ALPK2: variants seen among roughly 807,000 people sequenced by gnomAD.
ALPK2 encodes the protein alpha-protein kinase 2.
ALPK2 carries 127 observed loss-of-function variants against 163.1 expected under a neutral mutation model. The ratio of observed to expected loss-of-function variants is 0.78; its 90% CI spans 0.67 to 0.90. The LOEUF (loss-of-function observed/expected upper bound fraction) is 0.90. Among genes scored for constraint, ALPK2 ranks in the 40% least tolerant of loss-of-function variants. The pLI, the probability that ALPK2 is intolerant of heterozygous loss-of-function variation, is 0.00. For missense variants in ALPK2, 2,360 were observed against 2,589.6 expected (o/e 0.91, Z 1.92); for synonymous variants, 953 against 959.1 (o/e 0.99, Z 0.12).
chr18:58,588,109 G>A (rs2144207093), intron 3 of ALPK2, among the ~76,000 whole-genome samples: 1 of 152,336 alleles, frequency 6.6e-6, no homozygotes, highest in East Asian at 1.9e-4. Flanking sequence ...AGGAAATCCA[G>A]CAGAGGTGCT....
At position 58,537,392 on chromosome 18, in the gene ALPK2, G is replaced by C; in HGVS notation, c.2795C>G (p.Pro932Arg). The C allele has an allele frequency of 6.2e-7, 1 of 1,613,786 alleles. No homozygotes were observed. Among genetic ancestry groups the C allele is most frequent in the Middle Eastern group, 1.7e-4 (1 of 6,058 alleles). Residue 932 changes from proline to arginine, a missense_variant, in exon 5 of 13, where the codon CCA becomes CGA. Physicochemically the swap from Pro to Arg is moderately radical, Grantham distance 103 (BLOSUM62 -2). Coordinates refer to ENST00000361673, the MANE Select transcript of ALPK2 (RefSeq NM_052947.4). The part of the protein sequence containing the change: ...ASTVHAGQEQ[P>R]SPSNSGGLDE... ...AAGCCCTCCTGAGTTGCTGGGGCTT[G>C]GCTGCTCCTGGCCAGCATGTACTGT...
intron 3 of ALPK2, among the ~76,000 whole-genome samples, chr18:58,597,586 G>A (rs1326961724): frequency 2.6e-5 from 4 of 152,202 alleles, no homozygotes. Context: ...ATCTACTTAT[G>A]ATACTTAGTG....
At chr18:58,507,529 C>A (rs1475314470) in intron 10 of ALPK2, among the ~76,000 whole-genome samples, 1 of 152,204 alleles carries the variant, frequency 6.6e-6, no homozygotes, top group Non-Finnish European at 1.5e-5. Flanking sequence ...CTAGGACAGA[C>A]CTGGTCACTT....
intron 4 of ALPK2, among the ~76,000 whole-genome samples, chr18:58,573,757 A>G (rs34104783): frequency 0.12 from 17,946 of 151,760 alleles, 1,134 homozygotes; most frequent in East Asian, 0.18. Flanking sequence ...CTTTTGTCCC[A>G]AGAAAGTCAG....
intron 4 of ALPK2, among the ~76,000 whole-genome samples, chr18:58,572,195 G>T (rs940722191): frequency 6.6e-5 from 10 of 151,994 alleles, no homozygotes; most frequent in African/African-American, 2.2e-4. Context: ...AGCTACAATG[G>T]GATATCACCA....
chr18:58,525,518 G>T (rs2051579749), intron 6 of ALPK2, among the ~76,000 whole-genome samples: 1 of 152,194 alleles, frequency 6.6e-6, no homozygotes, highest in South Asian at 2.1e-4. Context: ...TTCCAGCCTA[G>T]AAATTCTCTG....
intron 1 of ALPK2, among the ~76,000 whole-genome samples, chr18:58,627,120 C>A (rs2052234988): frequency 6.6e-6 from 1 of 152,154 alleles, no homozygotes; most frequent in African/African-American, 2.4e-5. Context: ...CAGGACCTCC[C>A]CTGCTTCTCC....
chr18:58,582,256 C>A (rs549242192), intron 3 of ALPK2, among the ~76,000 whole-genome samples: 2 of 152,268 alleles, frequency 1.3e-5, no homozygotes, highest in South Asian at 4.1e-4. Flanking sequence ...AAATGTTATA[C>A]CAGACGAATT....
At chr18:58,494,324 C>T (rs893591490) in intron 12 of ALPK2, among the ~76,000 whole-genome samples, 6 of 152,164 alleles carry the variant, frequency 3.9e-5, no homozygotes, top group African/African-American at 1.4e-4. Context: ...TGTTTCCAGA[C>T]ATAATTATAT....
At chr18:58,506,363 TAA>T (rs373086475) in intron 10 of ALPK2, among the ~76,000 whole-genome samples, 7 of 134,116 alleles carry the variant, frequency 5.2e-5, no homozygotes, top group Non-Finnish European at 6.5e-5. Flanking sequence ...CCCATGAATC[TAA>T]AAAAAAAAAA....
In ALPK2 at chr18:58,611,698, T is replaced by A; in HGVS notation, c.100A>T (p.Ile34Leu). 6.2e-7 allele frequency: 1 copy of A among 1,612,742 alleles called. No individual in the cohort carries two copies. Residue 34 changes from isoleucine (I) to leucine (L), a missense_variant, in exon 2 of 13, where the codon ATA becomes TTA. By Grantham distance (5) the Ile-to-Leu change is conservative. Transcript: ENST00000361673. ...GTCTAGTGATGGTTACCAGATATTA[T>A]GCAGCGAAGCACAGCGTCTGACTTC... ...PEKSDAVLRC[I>L]ISGQPKPEVT... is the part of the protein sequence containing the mutation.
intron 3 of ALPK2, among the ~76,000 whole-genome samples, chr18:58,601,559 G>T (rs192645612): frequency 6.6e-6 from 1 of 152,194 alleles, no homozygotes; most frequent in Non-Finnish European, 1.5e-5. Context: ...AGGCCCTGCA[G>T]CTCCGTGACC....
At chr18:58,502,133 TCCACACACACACACACACAC>T (rs1197081687) in intron 11 of ALPK2, among the ~76,000 whole-genome samples, 1 of 83,546 alleles carries the variant, frequency 1.2e-5, no homozygotes, top group Non-Finnish European at 2.3e-5. Context: ...AAACCCCATC[TCCACACACACACACACACAC>T]ACACACACAC....
chr18:58,512,989 T>G (rs550575532), intron 10 of ALPK2, among the ~76,000 whole-genome samples: 48 of 140,974 alleles, frequency 3.4e-4, no homozygotes, highest in African/African-American at 1.3e-3. Context: ...GGTGTGTGTG[T>G]GGTGTGTGTT....
intron 9 of ALPK2, among the ~76,000 whole-genome samples, chr18:58,516,529 C>A (rs1437329071): frequency 6.6e-6 from 1 of 152,168 alleles, no homozygotes; most frequent in Non-Finnish European, 1.5e-5. Flanking sequence ...GCAACTAGTG[C>A]TGATGTTATC....
Position 58,580,113 on chromosome 18 carries a change from A to G in ALPK2, c.663T>C (p.Ser221=). 2 of 1,614,198 alleles carry G rather than the reference A, an allele frequency of 1.2e-6. No individual in the cohort carries two copies. Among genetic ancestry groups the G allele is most frequent in the South Asian group, 2.2e-5 (2 of 91,082 alleles). The change falls in exon 4 of 13, where the codon AGT becomes AGC. Residue 221 remains serine (S), a synonymous_variant. Transcript: ENST00000361673. ...ATCTGTCTTGTTTTTCATAAATATGACTTGAATTAAGAAAAAGCAACCCAT... is the reference window on the plus strand; with the variant it reads ...ATCTGTCTTGTTTTTCATAAATATGGCTTGAATTAAGAAAAAGCAACCCAT... ...IANGLLFLNS[S]HIYEKQDRCC...
chr18:58,616,109 G>A (rs2052166525), intron 1 of ALPK2, among the ~76,000 whole-genome samples: 2 of 152,220 alleles, frequency 1.3e-5, no homozygotes, highest in Admixed American at 1.3e-4. Flanking sequence ...GTTTGTGGTA[G>A]GCTTCACAGA....
Position 58,580,395 on chromosome 18 carries a change from A to G in ALPK2, c.381T>C (p.His127=), listed in dbSNP as rs1568092314. ...TTTCTTCTTCATGTGTCCCTGTTTCATGTTTCCAACCCCTGTCCCTGTCAT... is the reference window on the plus strand; with the variant it reads ...TTTCTTCTTCATGTGTCCCTGTTTCGTGTTTCCAACCCCTGTCCCTGTCAT... The part of the protein sequence containing the change: ...LEDDRDRGWK[H]ETGTHEEERA... Residue 127 remains histidine, a synonymous_variant, in exon 4 of 13, where the codon CAT becomes CAC. Transcript: ENST00000361673. 1 of 1,614,080 alleles carries G rather than the reference A, an allele frequency of 6.2e-7. No individual in the cohort carries two copies. The highest frequency in any genetic ancestry group is 1.6e-4 in the Middle Eastern group (1 of 6,062).
intron 3 of ALPK2, among the ~76,000 whole-genome samples, chr18:58,597,577 T>G (rs1239456705): frequency 6.6e-6 from 1 of 152,146 alleles, no homozygotes; most frequent in Non-Finnish European, 1.5e-5. Context: ...GAGCTGAGTA[T>G]CTACTTATGA....
Sources: allele counts gnomAD v4.1 joint callset (sites outside exome capture counted in the v4.1 genomes callset), GRCh38; gene constraint gnomAD v4.1.1; transcripts MANE v1.5; gene names NCBI Gene and HGNC (gene_info 2026-07-23, HGNC 2026-07-21).